Variants in GYS2 observed in about 807,000 individuals in gnomAD.
The protein encoded by GYS2 is glycogen synthase 2.
Under a neutral mutation model 85.6 loss-of-function variants are expected in GYS2, and 80 were observed. That is an observed-to-expected ratio of 0.93 (90% CI 0.78 to 1.13). The LOEUF is 1.13. GYS2 is among the 50% of genes most tolerant of loss of function. The pLI, the probability that GYS2 is intolerant of heterozygous loss-of-function variation, is 0.00. For synonymous variants in GYS2, 328 were observed against 300.7 expected (o/e 1.09, Z -0.94); for missense variants, 881 against 854.9 (o/e 1.03, Z -0.38).
downstream of GYS2, among the ~76,000 whole-genome samples, chr12:21,533,844 G>A (rs575900806): frequency 2.0e-5 from 3 of 152,270 alleles, no homozygotes; most frequent in South Asian, 6.2e-4. Flanking sequence ...TCACAATTCT[G>A]GAGCCTGAGA....
At chr12:21,566,371 C>T (rs764774075) in intron 5 of GYS2, among the ~76,000 whole-genome samples, 3 of 150,086 alleles carry the variant, frequency 2.0e-5, no homozygotes, top group Non-Finnish European at 4.4e-5. Context: ...TTTCAGAATG[C>T]TCTTGGGAAG....
At chr12:21,593,846 A>G (rs746722261) in intron 1 of GYS2, among the ~76,000 whole-genome samples, 9 of 152,120 alleles carry the variant, frequency 5.9e-5, no homozygotes, top group Non-Finnish European at 1.2e-4. Flanking sequence ...GATGGAACAT[A>G]GGTGTGAAAA....
In GYS2 at chr12:21,580,469, C is replaced by T. The variant is rs201868350; in HGVS notation, c.176G>A (p.Trp59Ter). ...QTKAKTTADEWGENYFLIGPY... is the reference protein window; with the variant it reads ...QTKAKTTADE Reference sequence around the variant, plus strand: ...ACCTATCAGAAAATAGTTCTCTCCCCATTCATCTGCTGTTGTTTTGGCCTT... The same window carrying T: ...ACCTATCAGAAAATAGTTCTCTCCCTATTCATCTGCTGTTGTTTTGGCCTT... Residue 59 changes from tryptophan (W) to a stop codon, truncating the protein, a stop_gained, in exon 2 of 16, where the codon TGG becomes TAG. Transcript: ENST00000261195. LOFTEE classifies it high-confidence loss of function. 1.9e-6 allele frequency: 3 copies of T among 1,613,512 alleles called. No individual in the cohort carries two copies. Among genetic ancestry groups the T allele is most frequent in the Non-Finnish European group, 2.5e-6 (3 of 1,179,544 alleles).
At chr12:21,535,448 G>T (rs1344672466), downstream of GYS2, among the ~76,000 whole-genome samples, 1 of 152,170 alleles carries the variant, frequency 6.6e-6, no homozygotes, top group African/African-American at 2.4e-5. Context: ...CTGCTCTGCA[G>T]ATGCTCGGTT....
In GYS2 at chr12:21,540,348, A is replaced by T. The variant is rs1417673345; in HGVS notation, c.1809+62T>A. 3.2e-6 allele frequency: 4 copies of T among 1,264,278 alleles called. No individual in the cohort carries two copies. The African/African-American group carries it at 5.9e-5, about 19-fold the overall frequency. The allele number at this position is 1,264,278 out of a possible 1,614,324, so 78.3% of individuals were successfully genotyped here. On this transcript the variant is annotated intron_variant, in intron 14 of 15. Coordinates refer to ENST00000261195, the MANE Select transcript of GYS2 (RefSeq NM_021957.4). ...ACTTTAGAGATTATGACTAGAATCA[A>T]TATGTTTATAGTCCAGTGGAATTTT...
chr12:21,586,444 T>TATC (rs1555159865), intron 1 of GYS2, among the ~76,000 whole-genome samples: 2 of 151,876 alleles, frequency 1.3e-5, no homozygotes, highest in Non-Finnish European at 2.9e-5. Context: ...TCTATCTATC[T>TATC]ATCTATCTAT....
At chr12:21,580,934 C>T (rs1383365286) in intron 1 of GYS2, among the ~76,000 whole-genome samples, 2 of 152,190 alleles carry the variant, frequency 1.3e-5, no homozygotes, top group East Asian at 1.9e-4. Flanking sequence ...CACCTCTCTT[C>T]CTCCTTCTCC....
At chr12:21,547,167 A>G (rs561153314) in intron 11 of GYS2, among the ~76,000 whole-genome samples, 1 of 152,338 alleles carries the variant, frequency 6.6e-6, no homozygotes, top group South Asian at 2.1e-4. Flanking sequence ...CAAAGTGTTT[A>G]CCATGGCTTC....
intron 1 of GYS2, 47 bp from the exon 2 acceptor site, chr12:21,580,570 G>C (rs1944497662): frequency 7.1e-7 from 1 of 1,403,612 alleles, no homozygotes; most frequent in South Asian, 1.1e-5. Flanking sequence ...TTAGCAATTT[G>C]TTTAAAGTAA....
intron 11 of GYS2, among the ~76,000 whole-genome samples, chr12:21,550,347 ACACACC>A (rs1565594754): frequency 1.2e-5 from 1 of 83,098 alleles, no homozygotes; most frequent in South Asian, 4.2e-4. Flanking sequence ...ACACACACAC[ACACACC>A]CCTGGTTTTT....
At chr12:21,555,047 C>T (rs1005626182) in intron 11 of GYS2, among the ~76,000 whole-genome samples, 3 of 152,074 alleles carry the variant, frequency 2.0e-5, no homozygotes, top group African/African-American at 7.2e-5. Context: ...TAACATGTGC[C>T]AGGCAGCAGA....
chr12:21,548,051 T>C (rs1944062570), intron 11 of GYS2, among the ~76,000 whole-genome samples: 1 of 152,120 alleles, frequency 6.6e-6, no homozygotes, highest in South Asian at 2.1e-4. Context: ...ATGGTTTCAA[T>C]TGATGGCTGA....
intron 11 of GYS2, among the ~76,000 whole-genome samples, chr12:21,549,684 C>T (rs563129303): frequency 8.5e-5 from 13 of 152,218 alleles, no homozygotes; most frequent in Middle Eastern, 3.4e-3. Flanking sequence ...GTTTGTCTTA[C>T]GCTTCTTCAT....
chr12:21,602,947 C>A (rs899241700), intron 1 of GYS2, among the ~76,000 whole-genome samples: 9 of 152,066 alleles, frequency 5.9e-5, no homozygotes, highest in African/African-American at 1.9e-4. Context: ...CAAGTCCCTT[C>A]CAGTTTTATC....
At chr12:21,569,749 T>C (rs1177749529) in intron 4 of GYS2, among the ~76,000 whole-genome samples, 2 of 152,226 alleles carry the variant, frequency 1.3e-5, no homozygotes, top group Non-Finnish European at 2.9e-5. Flanking sequence ...TCTGACATTA[T>C]GTAAGTAGGG....
Position 21,594,359 on chromosome 12 carries a change from A to G in GYS2, c.121+10113T>C, listed in dbSNP as rs574771463. On this transcript the variant is annotated intron_variant, in intron 1 of 15. Coordinates refer to ENST00000261195, the MANE Select transcript of GYS2 (RefSeq NM_021957.4). ...TGATTTTATACCTAGAAAAACCAAGACTCCACCAAAGCACTCTTAGCGCTG... is the reference window on the plus strand; with the variant it reads ...TGATTTTATACCTAGAAAAACCAAGGCTCCACCAAAGCACTCTTAGCGCTG... Among the ~76,000 whole-genome samples the G allele has an allele frequency of 3.9e-5, 6 of 152,200 alleles. 1 individual carries two copies. The South Asian group carries it at 1.0e-3, about 26-fold the overall frequency.
intron 1 of GYS2, among the ~76,000 whole-genome samples, chr12:21,582,564 T>C (rs1475166036): frequency 6.7e-6 from 1 of 148,672 alleles, no homozygotes; most frequent in Non-Finnish European, 1.5e-5. Flanking sequence ...TAAACTCTCA[T>C]ATAGATATAG....
intron 15 of GYS2, 31 bp from the exon 16 acceptor site, chr12:21,537,206 C>G (rs1008493607): frequency 1.3e-6 from 2 of 1,489,182 alleles, no homozygotes; most frequent in African/African-American, 2.8e-5. Context: ...ACATAAACAT[C>G]ACAACAGTTT....
chr12:21,604,730 G>A lies in GYS2; in HGVS notation c.-138C>T. ...GGTAGCTTCTCTTGGGAATAAACTAGTAGCATGAAATCTTATGTGCTTCCC... is the reference window on the plus strand; with the variant it reads ...GGTAGCTTCTCTTGGGAATAAACTAATAGCATGAAATCTTATGTGCTTCCC... On this transcript the variant is annotated 5_prime_UTR_variant, in exon 1 of 16. Coordinates refer to ENST00000261195, the MANE Select transcript of GYS2 (RefSeq NM_021957.4). 3 of 1,504,214 alleles carry A rather than the reference G, an allele frequency of 2.0e-6. No homozygotes were observed. The highest frequency in any genetic ancestry group is 2.7e-6 in the Non-Finnish European group (3 of 1,121,648). 93.2% of individuals were successfully genotyped at this position (1,504,214 alleles called of 1,614,324 possible). A position where few individuals can be genotyped will look rare whatever the true frequency, so the allele number is the denominator to read the frequency against.
Sources: gnomAD v4.1 joint callset for allele counts (sites outside exome capture counted in the v4.1 genomes callset) on GRCh38, gnomAD v4.1.1 for gene constraint, MANE v1.5 for transcripts, NCBI Gene and HGNC (gene_info 2026-07-23, HGNC 2026-07-21) for gene names.